The following TOLLIP variants were observed in gnomAD, a reference collection of about 807,000 sequenced individuals.
TOLLIP encodes toll interacting protein.
A neutral mutation model predicts 33.5 loss-of-function variants in TOLLIP; 16 were observed. The observed-to-expected ratio is 0.48, with a 90% confidence interval of 0.32 to 0.72. The LOEUF is 0.72. Ranked by LOEUF, TOLLIP falls within the 30% of genes least tolerant of loss-of-function variation. The pLI, the probability that TOLLIP is intolerant of heterozygous loss-of-function variation, is 0.03. For missense variants in TOLLIP, 325 were observed against 396.6 expected (o/e 0.82, Z 1.53); for synonymous variants, 176 against 163.7 (o/e 1.07, Z -0.57).
intron 2 of TOLLIP, among the ~76,000 whole-genome samples, chr11:1,292,798 A>G (rs5743942): frequency 0.48 from 72,796 of 152,170 alleles, 17,874 homozygotes; most frequent in Middle Eastern, 0.56. Flanking sequence ...GCAGACACAC[A>G]GCGCAGCAGA....
chr11:1,305,284 C>A (rs930442814), intron 1 of TOLLIP, among the ~76,000 whole-genome samples: 1 of 152,236 alleles, frequency 6.6e-6, no homozygotes, highest in African/African-American at 2.4e-5. Context: ...AGTGCGTTCC[C>A]CGCTGGCTCA....
At chr11:1,279,300 G>T (rs572654089) in intron 5 of TOLLIP, among the ~76,000 whole-genome samples, 1 of 152,242 alleles carries the variant, frequency 6.6e-6, no homozygotes, top group Non-Finnish European at 1.5e-5. Context: ...TGGGCTGAGG[G>T]GCAGTGGCCT....
Sources: allele counts gnomAD v4.1 joint callset (sites outside exome capture counted in the v4.1 genomes callset), GRCh38; gene constraint gnomAD v4.1.1; transcripts MANE v1.5; gene names NCBI Gene and HGNC (gene_info 2026-07-23, HGNC 2026-07-21).